The following ENOPH1 variants were observed in gnomAD, a reference collection of about 807,000 sequenced individuals.
The protein encoded by ENOPH1 is enolase-phosphatase E1.
ENOPH1 carries 14 observed loss-of-function variants against 31.1 expected under a neutral mutation model. The observed-to-expected ratio is 0.45, with a 90% CI of 0.30 to 0.70. The LOEUF is 0.70. ENOPH1 is among the 30% of genes least tolerant of loss of function. ENOPH1 has a pLI of 0.09. For synonymous variants in ENOPH1, 127 were observed against 123.2 expected (o/e 1.03, Z -0.21); for missense variants, 243 against 321.5 (o/e 0.76, Z 1.87).
At chr4:82,443,107 A>T (rs1172681866) in intron 1 of ENOPH1, among the ~76,000 whole-genome samples, 1 of 151,634 alleles carries the variant, frequency 6.6e-6, no homozygotes, top group East Asian at 2.0e-4. Context: ...GCCCGGGCGT[A>T]TGTCTCTATT....
chr4:82,448,983 G>A (rs1722271762), intron 2 of ENOPH1, among the ~76,000 whole-genome samples: 2 of 149,406 alleles, frequency 1.3e-5, no homozygotes, highest in South Asian at 2.1e-4. Context: ...GCGTGAACCC[G>A]GGAGGCGGAG....
At position 82,443,726 on chromosome 4, in the gene ENOPH1, CA is replaced by C. The variant is rs200920472; in HGVS notation, c.85-4184del. Among the ~76,000 whole-genome samples the C allele has an allele frequency of 1.4e-4, 18 of 124,322 alleles. 1 individual carries two copies. Among genetic ancestry groups the C allele is most frequent in the South Asian group, 5.1e-4 (2 of 3,958 alleles). 81.6% of individuals were successfully genotyped at this position (124,322 alleles called of 152,430 possible). A position where few individuals can be genotyped will look rare whatever the true frequency, so the allele number is the denominator to read the frequency against. ...CTGGGACAGAGTGAGACTCCAGTCT[CA>C]AAAAAAAAAGGGAAATAATAGCCCA... On this transcript the variant is annotated intron_variant, in intron 1 of 5. Transcript: ENST00000273920.
rs1376325306 is a variant in ENOPH1, at chr4:82,460,517, T to C, written c.*397T>C. ...TTTAAAAATGAAATATTTCAAAGAC[T>C]GAATATTTTCAAAGAAAATGAATAA... On this transcript the variant is annotated 3_prime_UTR_variant, in exon 6 of 6. Coordinates refer to ENST00000273920, the MANE Select transcript of ENOPH1 (RefSeq NM_021204.5). The C allele has an allele frequency of 1.9e-5, 3 of 155,080 alleles. No individual in the cohort carries two copies. The highest frequency in any genetic ancestry group is 7.2e-5 in the African/African-American group (3 of 41,546). 9.6% of individuals were successfully genotyped at this position (155,080 alleles called of 1,614,324 possible). A position where few individuals can be genotyped will look rare whatever the true frequency, so the allele number is the denominator to read the frequency against.
chr4:82,440,351 T>C (rs1722007532), intron 1 of ENOPH1, among the ~76,000 whole-genome samples: 1 of 152,190 alleles, frequency 6.6e-6, no homozygotes, highest in Non-Finnish European at 1.5e-5. Flanking sequence ...TCCAGGGAGT[T>C]AGATGATCCT....
At chr4:82,443,381 G>A (rs1722091843) in intron 1 of ENOPH1, among the ~76,000 whole-genome samples, 1 of 150,518 alleles carries the variant, frequency 6.6e-6, no homozygotes, top group African/African-American at 2.5e-5. Context: ...AAGTTGCAGT[G>A]AGCCAAGATC....
intron 1 of ENOPH1, among the ~76,000 whole-genome samples, chr4:82,442,752 C>T (rs1175819623): frequency 6.6e-6 from 1 of 152,174 alleles, no homozygotes; most frequent in Non-Finnish European, 1.5e-5. Flanking sequence ...TTATGCTGTA[C>T]ATACTGTTTG....
At chr4:82,432,499 C>G (rs766047014) in intron 1 of ENOPH1, among the ~76,000 whole-genome samples, 3 of 152,148 alleles carry the variant, frequency 2.0e-5, no homozygotes, top group Non-Finnish European at 4.4e-5. Flanking sequence ...CATGTGCCAC[C>G]ACACCCAGCT....
intron 2 of ENOPH1, among the ~76,000 whole-genome samples, chr4:82,450,095 T>A (rs1722308937): frequency 1.3e-5 from 2 of 152,244 alleles, no homozygotes; most frequent in African/African-American, 4.8e-5. Flanking sequence ...TGTTTTACTG[T>A]TAGGAATTAG....
intron 1 of ENOPH1, among the ~76,000 whole-genome samples, chr4:82,442,499 G>A (rs1196591029): frequency 2.0e-5 from 3 of 152,018 alleles, no homozygotes; most frequent in Non-Finnish European, 4.4e-5. Context: ...CACCCTGGGT[G>A]ACAGAGCGAG....
chr4:82,433,364 T>G (rs1413486878), intron 1 of ENOPH1, among the ~76,000 whole-genome samples: 5 of 152,254 alleles, frequency 3.3e-5, no homozygotes, highest in African/African-American at 7.2e-5. Context: ...AATGTCTTAG[T>G]TGCCTAAATA....
Position 82,460,027 on chromosome 4 carries a change from G to A in ENOPH1, c.693G>A (p.Val231=). 1 of 1,614,128 alleles carries A rather than the reference G, an allele frequency of 6.2e-7. No homozygotes were observed. Among genetic ancestry groups the A allele is most frequent in the African/African-American group, 1.3e-5 (1 of 75,054 alleles). ...CAGATGTGCACGTAGCTGTGGTGGT[G>A]AGACCAGGCAACGCAGGATTAACAG... The part of the protein sequence containing the change: ...EEADVHVAVV[V]RPGNAGLTDD... The change falls in exon 6 of 6, where the codon GTG becomes GTA. Residue 231 remains valine (V), a synonymous_variant. Transcript: ENST00000273920.
chr4:82,443,906 AC>A (rs1185965438), intron 1 of ENOPH1, among the ~76,000 whole-genome samples: 1 of 151,922 alleles, frequency 6.6e-6, no homozygotes, highest in African/African-American at 2.4e-5. Context: ...TCTCCCTGTC[AC>A]CCAGGGAGTA....
At chr4:82,438,947 G>GA (rs1446345085) in intron 1 of ENOPH1, among the ~76,000 whole-genome samples, 1 of 152,078 alleles carries the variant, frequency 6.6e-6, no homozygotes, top group Admixed American at 6.5e-5. Context: ...CAACTCATTT[G>GA]ATTTTCAAAA....
chr4:82,448,247 T>G (rs989969877), intron 2 of ENOPH1, among the ~76,000 whole-genome samples: 1 of 146,624 alleles, frequency 6.8e-6, no homozygotes, highest in African/African-American at 2.5e-5. Flanking sequence ...TTTTTTTTTG[T>G]TTTGTTTTGT....
intron 1 of ENOPH1, among the ~76,000 whole-genome samples, chr4:82,445,802 G>A (rs1220854434): frequency 1.3e-5 from 2 of 152,204 alleles, no homozygotes; most frequent in African/African-American, 2.4e-5. Flanking sequence ...TCTAGCTTTT[G>A]TGATGACTTA....
chr4:82,454,492 T>G (rs1018419184), intron 3 of ENOPH1, among the ~76,000 whole-genome samples: 4 of 152,226 alleles, frequency 2.6e-5, no homozygotes, highest in African/African-American at 9.6e-5. Context: ...CTAGTGGCTG[T>G]CTGTTCAAAA....
rs756562106 is a variant in ENOPH1 at position 82,441,633 on chromosome 4, CAAAAT to C, written c.85-6273_85-6269del. Among the ~76,000 whole-genome samples the C allele has an allele frequency of 3.0e-3, 458 of 151,932 alleles. 1 individual carries two copies. Among genetic ancestry groups the C allele is most frequent in the African/African-American group, 0.01 (432 of 41,420 alleles). On this transcript the variant is annotated intron_variant, in intron 1 of 5. Transcript: ENST00000273920. Reference sequence around the variant, plus strand: ...TGGGCGACAGAGCGAGACTGCATCTCAAAATAAAATAAAATAAAGTAAAAACCATC... The same window carrying C: ...TGGGCGACAGAGCGAGACTGCATCTCAAAATAAAATAAAGTAAAAACCATC...
intron 5 of ENOPH1, among the ~76,000 whole-genome samples, chr4:82,459,381 C>T (rs949112569): frequency 1.3e-5 from 2 of 152,152 alleles, no homozygotes; most frequent in African/African-American, 4.8e-5. Context: ...GCCTTGACCT[C>T]CTGGGCTTAA....
At chr4:82,438,560 G>T (rs540300111) in intron 1 of ENOPH1, among the ~76,000 whole-genome samples, 20 of 152,310 alleles carry the variant, frequency 1.3e-4, no homozygotes, top group African/African-American at 4.8e-4. Flanking sequence ...GGCTGAGGTG[G>T]GAGGATCACT....
Sources: gnomAD v4.1 joint callset for allele counts (sites outside exome capture counted in the v4.1 genomes callset) on GRCh38, gnomAD v4.1.1 for gene constraint, MANE v1.5 for transcripts, NCBI Gene and HGNC (gene_info 2026-07-23, HGNC 2026-07-21) for gene names.